EPHB1: variants seen among roughly 807,000 people sequenced by gnomAD.
EPHB1 encodes ephrin type-B receptor 1.
Under a neutral mutation model 94.4 loss-of-function variants are expected in EPHB1, and 30 were observed. The observed-to-expected ratio is 0.32, with a 90% CI of 0.24 to 0.43. The LOEUF (loss-of-function observed/expected upper bound fraction) is 0.43. Ranked by LOEUF, EPHB1 falls within the 20% of genes least tolerant of loss-of-function variation. The pLI, the probability that EPHB1 is intolerant of heterozygous loss-of-function variation, is 1.00. For synonymous variants in EPHB1, 522 were observed against 489.1 expected (o/e 1.07, Z -0.89); for missense variants, 1,055 against 1,308.3 (o/e 0.81, Z 2.99).
rs571583026 is a variant in EPHB1, at chr3:135,192,603, G to A, written c.1910G>A (p.Arg637His). 13 of 1,613,920 alleles carry A rather than the reference G, an allele frequency of 8.1e-6. No homozygotes were observed. The highest frequency in any genetic ancestry group is 3.3e-5 in the Admixed American group (2 of 60,020). ...GAGTTTGGAGAAGTGTACAAGGGGC[G>A]TTTGAAACTGCCAGGCAAGAGGGAA... Reference protein sequence around the residue: ...AGEFGEVYKGRLKLPGKREIY... With the variant: ...AGEFGEVYKGHLKLPGKREIY... The change falls in exon 11 of 16, where the codon CGT becomes CAT. Residue 637 changes from arginine to histidine, a missense_variant. Arg to His is a conservative substitution (Grantham distance 29). Coordinates refer to ENST00000398015, the MANE Select transcript of EPHB1 (RefSeq NM_004441.5).
At chr3:135,161,888 G>C (rs1941516712) in intron 6 of EPHB1, 130 bp from the exon 7 acceptor site, 1 of 983,628 alleles carries the variant, frequency 1.0e-6, no homozygotes. Context: ...GGATGGCCTG[G>C]AGCTGATGAC....
chr3:135,196,272 C>A (rs995932383), intron 11 of EPHB1, among the ~76,000 whole-genome samples: 2 of 151,946 alleles, frequency 1.3e-5, no homozygotes, highest in African/African-American at 2.4e-5. Context: ...AAATTTTCTC[C>A]CATTTTGTAG....
At chr3:135,103,157 A>C (rs963888328) in intron 3 of EPHB1, among the ~76,000 whole-genome samples, 1 of 152,170 alleles carries the variant, frequency 6.6e-6, no homozygotes, top group Non-Finnish European at 1.5e-5. Flanking sequence ...AAAAAAGAAA[A>C]AAAAATCTTT....
intron 3 of EPHB1, among the ~76,000 whole-genome samples, chr3:134,986,417 T>C (rs1378923573): frequency 6.6e-6 from 1 of 152,200 alleles, no homozygotes; most frequent in Non-Finnish European, 1.5e-5. Context: ...GCATGTGCAT[T>C]GACATATGTC....
chr3:135,231,065 C>T (rs139425990), intron 12 of EPHB1, among the ~76,000 whole-genome samples: 4 of 152,200 alleles, frequency 2.6e-5, no homozygotes, highest in South Asian at 2.1e-4. Context: ...ACTACCCCTG[C>T]GGGATTCCCT....
At chr3:135,029,026 T>C (rs1167565967) in intron 3 of EPHB1, among the ~76,000 whole-genome samples, 2 of 138,306 alleles carry the variant, frequency 1.4e-5, no homozygotes, top group Non-Finnish European at 3.1e-5. Flanking sequence ...AAGTCTGTTT[T>C]ATCAGAGACT....
chr3:134,973,421 T>C (rs908544122), intron 3 of EPHB1, among the ~76,000 whole-genome samples: 45 of 136,100 alleles, frequency 3.3e-4, no homozygotes, highest in Admixed American at 7.0e-4. Flanking sequence ...GTCTGTCTTC[T>C]AGTCTTTTTT....
intron 1 of EPHB1, among the ~76,000 whole-genome samples, chr3:134,909,407 G>C (rs2038407419): frequency 6.6e-6 from 1 of 152,220 alleles, no homozygotes; most frequent in African/African-American, 2.4e-5. Context: ...ACCTGGGTAG[G>C]GTGCTGTGGC....
intron 6 of EPHB1, among the ~76,000 whole-genome samples, chr3:135,155,766 G>T (rs1160516396): frequency 6.9e-6 from 1 of 144,470 alleles, no homozygotes; most frequent in African/African-American, 2.7e-5. Context: ...CTCCAGTGTG[G>T]GTGACAGAGC....
At chr3:134,990,886 G>A (rs935255767) in intron 3 of EPHB1, among the ~76,000 whole-genome samples, 5 of 152,122 alleles carry the variant, frequency 3.3e-5, no homozygotes, top group Non-Finnish European at 7.4e-5. Context: ...TCCTGAACTC[G>A]GCAATCTCCC....
At chr3:135,255,971 A>G (rs1411551669) in intron 15 of EPHB1, among the ~76,000 whole-genome samples, 1 of 149,470 alleles carries the variant, frequency 6.7e-6, no homozygotes, top group Non-Finnish European at 1.5e-5. Context: ...ACCATTATGT[A>G]ATGGCCTTCT....
At position 135,060,490 on chromosome 3, in the gene EPHB1, A is replaced by C. The variant is rs183167008; in HGVS notation, c.806-45958A>C. ...ACAAATAATGCTACTACAAGTATTT[A>C]TGTATAACTTTTTGTAAGGACATAT... On this transcript the variant is annotated intron_variant, in intron 3 of 15. Transcript: ENST00000398015. Among the ~76,000 whole-genome samples, 267 of 152,304 alleles carry C rather than the reference A, an allele frequency of 1.8e-3. 1 individual carries two copies. The highest frequency in any genetic ancestry group is 6.2e-3 in the African/African-American group (256 of 41,566).
At chr3:134,886,200 A>G (rs556615314) in intron 1 of EPHB1, among the ~76,000 whole-genome samples, 1 of 152,302 alleles carries the variant, frequency 6.6e-6, no homozygotes, top group East Asian at 1.9e-4. Flanking sequence ...AACAGAAGGC[A>G]TGCTTGTTAC....
intron 3 of EPHB1, among the ~76,000 whole-genome samples, chr3:135,000,296 G>A (rs40524): frequency 0.2 from 29,933 of 152,148 alleles, 5,053 homozygotes; most frequent in African/African-American, 0.46. Context: ...TGTGTCAGGT[G>A]TTGACACCAT....
At chr3:134,855,522 C>T (rs771542032) in intron 1 of EPHB1, among the ~76,000 whole-genome samples, 8 of 152,178 alleles carry the variant, frequency 5.3e-5, no homozygotes, top group Admixed American at 2.0e-4. Flanking sequence ...GCAGCATGCA[C>T]CCTCTGATAC....
At chr3:135,202,687 A>G (rs1365070909) in intron 12 of EPHB1, among the ~76,000 whole-genome samples, 1 of 152,222 alleles carries the variant, frequency 6.6e-6, no homozygotes, top group African/African-American at 2.4e-5. Flanking sequence ...GGAAACGCCA[A>G]TTAGAATGGC....
At chr3:134,978,571 G>A (rs1934282159) in intron 3 of EPHB1, among the ~76,000 whole-genome samples, 2 of 152,106 alleles carry the variant, frequency 1.3e-5, no homozygotes, top group African/African-American at 4.8e-5. Context: ...CCTCTTCCTG[G>A]ATTTCCCTTC....
chr3:134,808,355 A>C (rs1029803016), intron 1 of EPHB1, among the ~76,000 whole-genome samples: 5 of 152,156 alleles, frequency 3.3e-5, no homozygotes, highest in Non-Finnish European at 7.3e-5. Flanking sequence ...CTCATTGGCC[A>C]GGCTTGGGTC....
At chr3:135,013,447 C>T (rs1381058090) in intron 3 of EPHB1, among the ~76,000 whole-genome samples, 2 of 152,162 alleles carry the variant, frequency 1.3e-5, no homozygotes, top group Non-Finnish European at 2.9e-5. Flanking sequence ...TATATCACCA[C>T]CGCATACCGA....
Sources: gnomAD v4.1 joint callset for allele counts (sites outside exome capture counted in the v4.1 genomes callset) on GRCh38, gnomAD v4.1.1 for gene constraint, MANE v1.5 for transcripts, NCBI Gene and HGNC (gene_info 2026-07-23, HGNC 2026-07-21) for gene names.